Variants in SSX1 observed in about 807,000 individuals in gnomAD.
The protein encoded by SSX1 is protein SSX1.
A neutral mutation model predicts 14.6 loss-of-function variants in SSX1; 58 were observed. The observed-to-expected ratio is 3.96, with a 90% CI of 3.21 to 4.93. The LOEUF is 4.93. SSX1 is among the 30% of genes most tolerant of loss of function. The pLI is 0.00. For missense variants in SSX1, 272 were observed against 143.1 expected, an observed-to-expected ratio of 1.90 and a Z score of -4.60; for synonymous variants, 46 against 52.1, an observed-to-expected ratio of 0.88 and a Z score of 0.50.
chrX:48,259,064 T>G (rs1442785301), intron 4 of SSX1, among the ~76,000 whole-genome samples: 37 of 111,309 alleles, frequency 3.3e-4, no homozygotes, highest in African/African-American at 1.2e-3. Context: ...TGGCACAGTC[T>G]CAGCCCACTA....
intron 5 of SSX1, among the ~76,000 whole-genome samples, chrX:48,262,306 G>A (rs1325947219): frequency 1.8e-5 from 2 of 111,971 alleles, no homozygotes; most frequent in South Asian, 7.4e-4. Context: ...AATTTTCCTG[G>A]GGCACAGTGT....
At position 48,267,307 on chromosome X, in the gene SSX1, A is replaced by G. The variant is rs1482372405; in HGVS notation, c.*458A>G. The G allele has an allele frequency of 5.5e-6, 1 of 180,761 alleles. No homozygotes were observed. The highest frequency in any genetic ancestry group is 3.3e-5 in the African/African-American group (1 of 30,036). The allele number at this position is 180,761 out of a possible 1,213,427, so 14.9% of individuals were successfully genotyped here. A position where few individuals can be genotyped will look rare whatever the true frequency, so the allele number is the denominator to read the frequency against. ...CACACACACACCAAGTACCAGTATA[A>G]GCATCTCCCATCTGCTTTTCCCATT... On this transcript the variant is annotated 3_prime_UTR_variant, in exon 8 of 8. Coordinates refer to ENST00000376919, the MANE Select transcript of SSX1 (RefSeq NM_005635.4).
chrX:48,255,764 T>TA (rs2059578553), intron 1 of SSX1, among the ~76,000 whole-genome samples: 1 of 102,773 alleles, frequency 9.7e-6, no homozygotes, highest in African/African-American at 3.6e-5. Context: ...CCCTCACTAA[T>TA]TTTTTTTATT....
chrX:48,263,718 T>A, intron 5 of SSX1, 64 bp from the exon 6 acceptor site: 2 of 1,183,801 alleles, frequency 1.7e-6, no homozygotes, highest in Non-Finnish European at 1.1e-6. Context: ...AGACGCTTTG[T>A]AAGCTCTAAA....
chrX:48,258,401 A>G (rs1400794291), intron 3 of SSX1, 135 bp from the exon 4 acceptor site: 1 of 520,767 alleles, frequency 1.9e-6, no homozygotes, highest in East Asian at 3.5e-5. Flanking sequence ...TCTATGTTAC[A>G]CAGGCTCATC....
At chrX:48,259,118 T>G (rs1234067989) in intron 4 of SSX1, among the ~76,000 whole-genome samples, 1 of 111,523 alleles carries the variant, frequency 9.0e-6, no homozygotes, top group Non-Finnish European at 1.9e-5. Context: ...TGCCTCAGCC[T>G]CCTGAGTAGC....
intron 5 of SSX1, among the ~76,000 whole-genome samples, chrX:48,263,105 G>C (rs1556935785): frequency 9.2e-6 from 1 of 109,261 alleles, no homozygotes; most frequent in Non-Finnish European, 1.9e-5. Context: ...CTGCACTCTA[G>C]CCTGGTGACA....
At chrX:48,255,631 GTT>G (rs1224585882) in intron 1 of SSX1, among the ~76,000 whole-genome samples, 199 bp downstream of exon 1, 102 of 84,587 alleles carry the variant, frequency 1.2e-3, no homozygotes, top group Non-Finnish European at 1.7e-3. Context: ...TCCCACCCCT[GTT>G]TTTTTTTTTT....
Position 48,263,814 on chromosome X carries a change from T to C in SSX1, c.363T>C (p.Asn121=). ...CCAAGAAGCCAGCAGAGGACGAAAA[T>C]GATTCGAAGGGAGTGTCAGAAGCAT... ...IMPKKPAEDE[N]DSKGVSEASG... The change falls in exon 6 of 8, where the codon AAT becomes AAC. Residue 121 remains asparagine (N), a synonymous_variant. Transcript: ENST00000376919. 8.3e-7 allele frequency: 1 copy of C among 1,211,066 alleles called. No homozygotes were observed. The highest frequency in any genetic ancestry group is 1.1e-6 in the Non-Finnish European group (1 of 895,256).
chrX:48,266,362 G>T lies in SSX1; in HGVS notation c.542G>T (p.Ser181Ile). Residue 181 changes from serine (S) to isoleucine (I), a missense_variant, in exon 7 of 8, where the codon AGT becomes ATT. Physicochemically the swap from Ser to Ile is moderately radical, Grantham distance 142. Transcript: ENST00000376919. ...RKQLVIYEEISDPEEDDE is the reference protein window; with the variant it reads ...RKQLVIYEEIIDPEEDDE ...CAGCTGGTGATTTATGAAGAGATCA[G>T]TGACCCTGAGGAAGATGACGAGTAA... 1 of 1,210,259 alleles carries T rather than the reference G, an allele frequency of 8.3e-7. No individual in the cohort carries two copies. The highest frequency in any genetic ancestry group is 1.1e-6 in the Non-Finnish European group (1 of 895,394).
Position 48,263,766 on chromosome X carries a change from C to G in SSX1, c.331-16C>G. ...TGTCACTGATACTGTTTATCTGTAACCTTCACATTATAAAGATCATGCCCA... is the reference window on the plus strand; with the variant it reads ...TGTCACTGATACTGTTTATCTGTAAGCTTCACATTATAAAGATCATGCCCA... On this transcript the variant is annotated splice_polypyrimidine_tract_variant and intron_variant, in intron 5 of 7. Transcript: ENST00000376919. The G allele has an allele frequency of 5.8e-6, 7 of 1,210,569 alleles. No individual in the cohort carries two copies. The highest frequency in any genetic ancestry group is 7.8e-6 in the Non-Finnish European group (7 of 894,785).
In SSX1 at chrX:48,258,623, G is replaced by T. The variant is rs1466186601; in HGVS notation, c.272G>T (p.Arg91Met). The change falls in exon 4 of 8, where the codon AGG (arginine) becomes ATG (methionine). Residue 91 changes from arginine (R) to methionine (M), a missense_variant. Coordinates refer to ENST00000376919, the MANE Select transcript of SSX1 (RefSeq NM_005635.4). ...GATTTTGATAATGACCATAACCGCAGGATTCAGGGTGAGTAGATGGGAAGT... is the reference window on the plus strand; with the variant it reads ...GATTTTGATAATGACCATAACCGCATGATTCAGGGTGAGTAGATGGGAAGT... ...GNDFDNDHNR[R>M]IQVEHPQMTF... The T allele has an allele frequency of 8.3e-7, 1 of 1,201,560 alleles. No individual in the cohort carries two copies. The highest frequency in any genetic ancestry group is 1.1e-6 in the Non-Finnish European group (1 of 887,157).
chrX:48,263,071 T>C (rs1336811787), intron 5 of SSX1, among the ~76,000 whole-genome samples: 1 of 108,696 alleles, frequency 9.2e-6, no homozygotes, highest in Non-Finnish European at 1.9e-5. Context: ...GAGGAGGAGA[T>C]TGCAGTGAGC....
At chrX:48,257,100 C>G (rs1601945013) in intron 1 of SSX1, 122 bp from the exon 2 acceptor site, 1 of 610,312 alleles carries the variant, frequency 1.6e-6, no homozygotes, top group East Asian at 3.5e-5. Context: ...ACAGGTAAGC[C>G]CCGAATGGAG....
Position 48,267,077 on chromosome X carries a change from A to T in SSX1, c.*228A>T. 2 of 432,912 alleles carry T rather than the reference A, an allele frequency of 4.6e-6. No homozygotes were observed. The highest frequency in any genetic ancestry group is 4.0e-5 in the East Asian group (1 of 25,149). 35.7% of individuals were successfully genotyped at this position (432,912 alleles called of 1,213,427 possible). Reference sequence around the variant, plus strand: ...TGCCATTCTGTTAGATACTATCCTTATAATTGATGAGCAAGACATACTGAA... The same window carrying T: ...TGCCATTCTGTTAGATACTATCCTTTTAATTGATGAGCAAGACATACTGAA... On this transcript the variant is annotated 3_prime_UTR_variant, in exon 8 of 8. Transcript: ENST00000376919.
chrX:48,256,777 T>C (rs782349005), intron 1 of SSX1, among the ~76,000 whole-genome samples: 3 of 109,656 alleles, frequency 2.7e-5, no homozygotes, highest in African/African-American at 1.0e-4. Flanking sequence ...CCCCCATCCC[T>C]CTGCCTGATC....
intron 4 of SSX1, among the ~76,000 whole-genome samples, chrX:48,260,239 A>G (rs1350167250): frequency 6.4e-5 from 7 of 108,583 alleles, no homozygotes; most frequent in African/African-American, 2.0e-4. Context: ...TTTTAGCTGC[A>G]TAAATGTCTT....
chrX:48,262,755 A>G (rs1405606020), intron 5 of SSX1, among the ~76,000 whole-genome samples: 3 of 111,995 alleles, frequency 2.7e-5, no homozygotes, highest in Admixed American at 9.6e-5. Context: ...TTACATTTGA[A>G]CAATGTTTAC....
chrX:48,258,245 G>C (rs1556934842), intron 3 of SSX1, among the ~76,000 whole-genome samples: 2 of 91,457 alleles, frequency 2.2e-5, no homozygotes, highest in Non-Finnish European at 4.2e-5. Context: ...AGGCTAGAGT[G>C]TAGTAGTGCA....
Sources: allele counts gnomAD v4.1 joint callset (sites outside exome capture counted in the v4.1 genomes callset), GRCh38; gene constraint gnomAD v4.1.1; transcripts MANE v1.5; gene names NCBI Gene and HGNC (gene_info 2026-07-23, HGNC 2026-07-21).